Variants in BMPR1B observed in about 807,000 individuals in gnomAD.
BMPR1B encodes the protein bone morphogenetic protein receptor type-1B.
BMPR1B carries 12 observed loss-of-function variants against 59.1 expected under a neutral mutation model. That is an observed-to-expected ratio of 0.20 (90% CI 0.13 to 0.33). The LOEUF (loss-of-function observed/expected upper bound fraction) is 0.33. Among genes scored for constraint, BMPR1B ranks in the 10% least tolerant of loss-of-function variants. The pLI is 1.00. For missense variants in BMPR1B, 550 were observed against 610.9 expected, an observed-to-expected ratio of 0.90 and a Z score of 1.05; for synonymous variants, 237 against 207.3, an observed-to-expected ratio of 1.14 and a Z score of -1.23.
chr4:95,109,918 T>A (rs1731509377), intron 4 of BMPR1B, among the ~76,000 whole-genome samples: 1 of 139,290 alleles, frequency 7.2e-6, no homozygotes, highest in South Asian at 2.4e-4. Context: ...TGTCCATGTG[T>A]TCTCATTGTT....
chr4:95,059,012 A>C (rs1399814639), intron 3 of BMPR1B, among the ~76,000 whole-genome samples: 2 of 152,166 alleles, frequency 1.3e-5, no homozygotes, highest in Non-Finnish European at 2.9e-5. Context: ...CTTTATAAAA[A>C]AGTTAATGTT....
At chr4:94,820,249 G>C (rs1445683577) in intron 1 of BMPR1B, among the ~76,000 whole-genome samples, 1 of 152,168 alleles carries the variant, frequency 6.6e-6, no homozygotes, top group African/African-American at 2.4e-5. Context: ...CAGATGGTCT[G>C]ATGCCAAAGT....
chr4:94,862,657 T>G (rs1243333941), intron 1 of BMPR1B, among the ~76,000 whole-genome samples: 1 of 148,498 alleles, frequency 6.7e-6, no homozygotes, highest in Non-Finnish European at 1.5e-5. Flanking sequence ...TATAAGAAAA[T>G]TAGCTGGGCC....
chr4:95,131,725 T>C (rs534711269), intron 10 of BMPR1B, among the ~76,000 whole-genome samples: 1 of 152,282 alleles, frequency 6.6e-6, no homozygotes, highest in African/African-American at 2.4e-5. Flanking sequence ...TTAGAGACTG[T>C]TCACATTAGG....
At chr4:94,971,753 CATT>C (rs1012477054) in intron 2 of BMPR1B, among the ~76,000 whole-genome samples, 4 of 151,844 alleles carry the variant, frequency 2.6e-5, no homozygotes, top group Admixed American at 1.3e-4. Context: ...TAAAATATCT[CATT>C]AAATACGTTT....
At chr4:95,000,515 AAGAAAGAGAG>A (rs1444338950) in intron 3 of BMPR1B, among the ~76,000 whole-genome samples, 1 of 152,060 alleles carries the variant, frequency 6.6e-6, no homozygotes, top group Non-Finnish European at 1.5e-5. Flanking sequence ...GAAAGAAAGA[AAGAAAGAGAG>A]AGAGAGAAAG....
intron 2 of BMPR1B, among the ~76,000 whole-genome samples, chr4:94,885,752 TA>T: frequency 6.6e-6 from 1 of 152,304 alleles, no homozygotes; most frequent in South Asian, 2.1e-4. Flanking sequence ...TTATTTAATA[TA>T]ATTGTAAAAC....
chr4:94,762,376 G>T (rs1015887157), intron 1 of BMPR1B, among the ~76,000 whole-genome samples: 1 of 152,160 alleles, frequency 6.6e-6, no homozygotes, highest in African/African-American at 2.4e-5. Context: ...GACAGCATGT[G>T]ACTGGGCTAT....
At chr4:95,140,023 GA>G (rs1439640894) in intron 10 of BMPR1B, among the ~76,000 whole-genome samples, 1 of 152,186 alleles carries the variant, frequency 6.6e-6, no homozygotes, top group Non-Finnish European at 1.5e-5. Flanking sequence ...CTCATGGTGG[GA>G]GCTATAGACT....
intron 3 of BMPR1B, among the ~76,000 whole-genome samples, chr4:95,091,275 T>TG (rs1560645840): frequency 1.3e-3 from 193 of 150,996 alleles, no homozygotes; most frequent in South Asian, 3.8e-3. Context: ...CTTTTCTTTT[T>TG]TTTTTGTTTT....
At chr4:95,136,360 T>C (rs1579141730) in intron 10 of BMPR1B, among the ~76,000 whole-genome samples, 2 of 152,148 alleles carry the variant, frequency 1.3e-5, no homozygotes, top group East Asian at 3.9e-4. Context: ...GGATATTGGG[T>C]CTAAAATTCT....
intron 3 of BMPR1B, among the ~76,000 whole-genome samples, chr4:95,024,098 T>C (rs963328147): frequency 6.6e-6 from 1 of 152,170 alleles, no homozygotes; most frequent in Non-Finnish European, 1.5e-5. Context: ...CACTATTGAA[T>C]TCAAAACTGC....
chr4:95,053,594 GTTAGTATCATTATTAATAA>G (rs978958728), intron 3 of BMPR1B, among the ~76,000 whole-genome samples: 7 of 152,024 alleles, frequency 4.6e-5, no homozygotes, highest in African/African-American at 1.4e-4. Context: ...GTTTGCTGTT[GTTAGTATCATTATTAATAA>G]TTAATTTATG....
intron 2 of BMPR1B, among the ~76,000 whole-genome samples, chr4:94,948,495 A>G (rs1359330319): frequency 1.3e-5 from 2 of 152,208 alleles, no homozygotes; most frequent in African/African-American, 4.8e-5. Context: ...TGAGTAAGTA[A>G]TGCTTTTGAG....
intron 3 of BMPR1B, among the ~76,000 whole-genome samples, chr4:95,028,297 A>G (rs1371550344): frequency 1.3e-5 from 2 of 152,226 alleles, no homozygotes; most frequent in Non-Finnish European, 2.9e-5. Context: ...TTAGTTTCCA[A>G]AAGCCCTATG....
chr4:94,816,169 T>C (rs1203854475), intron 1 of BMPR1B, among the ~76,000 whole-genome samples: 1 of 152,176 alleles, frequency 6.6e-6, no homozygotes, highest in Middle Eastern at 3.2e-3. Context: ...ATTTTTGAGA[T>C]GGAGTCTTGC....
chr4:94,947,455 C>G (rs1729761551), intron 2 of BMPR1B, among the ~76,000 whole-genome samples: 1 of 152,182 alleles, frequency 6.6e-6, no homozygotes, highest in African/African-American at 2.4e-5. Flanking sequence ...AGTCAGAATT[C>G]TTTCCAGATG....
chr4:95,128,772 AT>A (rs1416101130), intron 8 of BMPR1B, among the ~76,000 whole-genome samples: 3 of 151,906 alleles, frequency 2.0e-5, no homozygotes, highest in Admixed American at 6.6e-5. Context: ...TTTCTTGCTT[AT>A]TTTTTATTCA....
chr4:94,998,226 T>C (rs964127431), intron 3 of BMPR1B, among the ~76,000 whole-genome samples: 3 of 152,200 alleles, frequency 2.0e-5, no homozygotes, highest in Non-Finnish European at 4.4e-5. Context: ...TTATACAAAA[T>C]GAAAATGGCA....
Sources: allele counts gnomAD v4.1 joint callset (sites outside exome capture counted in the v4.1 genomes callset), GRCh38; gene constraint gnomAD v4.1.1; transcripts MANE v1.5; gene names NCBI Gene and HGNC (gene_info 2026-07-23, HGNC 2026-07-21).